The following DSG1 variants were observed in gnomAD, a reference collection of about 807,000 sequenced individuals.
DSG1 encodes desmoglein-1.
A neutral mutation model predicts 97.5 loss-of-function variants in DSG1; 39 were observed. The observed-to-expected ratio is 0.40, with a 90% CI of 0.31 to 0.52. The LOEUF (loss-of-function observed/expected upper bound fraction) is 0.52. Ranked by LOEUF, DSG1 falls within the 20% of genes least tolerant of loss-of-function variation. DSG1 has a pLI of 0.53. For missense variants in DSG1, 1,311 were observed against 1,295.4 expected, an observed-to-expected ratio of 1.01 and a Z score of -0.18; for synonymous variants, 475 against 443.4, an observed-to-expected ratio of 1.07 and a Z score of -0.90.
chr18:31,340,033 C>A lies in DSG1; in HGVS notation c.1687+8C>A. 1.9e-6 allele frequency: 3 copies of A among 1,613,774 alleles called. No homozygotes were observed. The highest frequency in any genetic ancestry group is 2.5e-6 in the Non-Finnish European group (3 of 1,179,826). On this transcript the variant is annotated splice_region_variant and intron_variant, in intron 11 of 14. Transcript: ENST00000257192. ...GATTCTTGGTCTTAGGATGTAAGTA[C>A]TTTAGCAATCCTATGTATATGTGTC... is the stretch of plus-strand genomic sequence containing the variant.
chr18:31,324,508 A>G (rs2144085002), intron 1 of DSG1, among the ~76,000 whole-genome samples: 1 of 152,228 alleles, frequency 6.6e-6, no homozygotes, highest in South Asian at 2.1e-4. Flanking sequence ...CATGTTTCCA[A>G]TTGCTGATCA....
Position 31,358,516 on chromosome 18 carries a change from A to T in DSG1, c.*3170A>T, listed in dbSNP as rs1054644992. Among the ~76,000 whole-genome samples the T allele has an allele frequency of 3.3e-5, 5 of 152,042 alleles. No individual in the cohort carries two copies. Among genetic ancestry groups the T allele is most frequent in the African/African-American group, 1.2e-4 (5 of 41,446 alleles). ...CAAAATTTTAATTATATGTCTTCAA[A>T]AATTACATTTTTTACTCTAGTAAGT... On this transcript the variant is annotated 3_prime_UTR_variant, in exon 15 of 15. Coordinates refer to ENST00000257192, the MANE Select transcript of DSG1 (RefSeq NM_001942.4).
chr18:31,350,988 A>C (rs1267912930), intron 14 of DSG1, among the ~76,000 whole-genome samples: 2 of 149,614 alleles, frequency 1.3e-5, no homozygotes, highest in South Asian at 2.1e-4. Context: ...CTCTGATCTT[A>C]GTTATTTCTT....
At chr18:31,328,378 G>A in intron 4 of DSG1, 34 bp downstream of exon 4, 2 of 1,594,412 alleles carry the variant, frequency 1.3e-6, no homozygotes, top group Non-Finnish European at 1.7e-6. Context: ...ATATGTTCAT[G>A]CTTAAATTCT....
rs2071736478 is a variant in DSG1, at chr18:31,333,996, A to T, written c.820-21A>T. On this transcript the variant is annotated intron_variant, in intron 7 of 14. Coordinates refer to ENST00000257192, the MANE Select transcript of DSG1 (RefSeq NM_001942.4). Reference sequence around the variant, plus strand: ...TCTCTTTCACACAGTTTGTGCTAAGAGTTTTCACTTCTTGTTTCAGTATAC... The same window carrying T: ...TCTCTTTCACACAGTTTGTGCTAAGTGTTTTCACTTCTTGTTTCAGTATAC... The T allele has an allele frequency of 1.9e-6, 3 of 1,548,646 alleles. No homozygotes were observed. In the South Asian group the frequency reaches 3.4e-5, roughly 17 times the overall value.
chr18:31,344,526 A>T (rs1473104985), intron 13 of DSG1, among the ~76,000 whole-genome samples: 1 of 152,232 alleles, frequency 6.6e-6, no homozygotes, highest in Non-Finnish European at 1.5e-5. Context: ...CACAAATATT[A>T]CCTAAAAAAT....
chr18:31,346,530 G>C (rs1015942321), intron 14 of DSG1, among the ~76,000 whole-genome samples: 17 of 152,034 alleles, frequency 1.1e-4, no homozygotes, highest in Non-Finnish European at 2.1e-4. Flanking sequence ...AACTCCACTT[G>C]CTGAGCACCT....
chr18:31,331,217 C>G (rs2071719000), intron 5 of DSG1, among the ~76,000 whole-genome samples: 1 of 152,010 alleles, frequency 6.6e-6, no homozygotes, highest in African/African-American at 2.4e-5. Flanking sequence ...GTGCATTATT[C>G]ATTAGGAACT....
At position 31,339,771 on chromosome 18, in the gene DSG1, C is replaced by T; in HGVS notation, c.1433C>T (p.Thr478Ile). The stretch of plus-strand genomic sequence containing the variant: ...AATCTTCAAAGAACTTGCACTGGTA[C>T]AATTAATATTAACATTCAAAGTTTT... ...DDNLQRTCTG[T>I]ININIQSFGN... Residue 478 changes from threonine to isoleucine, a missense_variant, in exon 11 of 15, where the codon ACA (threonine) becomes ATA (isoleucine). Thr to Ile is a moderately conservative substitution (Grantham distance 89). Transcript: ENST00000257192. 1 of 1,612,096 alleles carries T rather than the reference C, an allele frequency of 6.2e-7. No individual in the cohort carries two copies. Among genetic ancestry groups the T allele is most frequent in the Admixed American group, 1.7e-5 (1 of 59,990 alleles).
At chr18:31,327,062 G>C in intron 3 of DSG1, 57 bp downstream of exon 3, 5 of 1,598,786 alleles carry the variant, frequency 3.1e-6, no homozygotes, top group Non-Finnish European at 3.4e-6. Context: ...AGTTTCAAAA[G>C]AAACTGTCTG....
intron 1 of DSG1, among the ~76,000 whole-genome samples, chr18:31,320,373 T>C (rs867469524): frequency 7.2e-5 from 11 of 152,200 alleles, no homozygotes; most frequent in Admixed American, 5.2e-4. Flanking sequence ...AGCGTATTTG[T>C]ACAATTGTTA....
At chr18:31,327,097 A>C in intron 3 of DSG1, 92 bp downstream of exon 3, 4 of 1,500,218 alleles carry the variant, frequency 2.7e-6, no homozygotes, top group Non-Finnish European at 3.7e-6. Context: ...AACATGTCTC[A>C]CCGAGAAGCT....
At position 31,357,070 on chromosome 18, in the gene DSG1, T is replaced by C. The variant is rs2071965846; in HGVS notation, c.*1724T>C. On this transcript the variant is annotated 3_prime_UTR_variant, in exon 15 of 15. Transcript: ENST00000257192. ...CAACTTTTAAAGAATTTACCCCAAT[T>C]ACTCAAATTTCCCAGGAAATTACAA... 6.6e-6 allele frequency: 1 copy of C among 152,034 alleles called. No individual in the cohort carries two copies. The highest frequency in any genetic ancestry group is 2.1e-4 in the South Asian group (1 of 4,834). The allele number at this position is 152,034 out of a possible 1,614,324, so 9.4% of individuals were successfully genotyped here. A position where few individuals can be genotyped will look rare whatever the true frequency, so the allele number is the denominator to read the frequency against.
At chr18:31,326,507 A>G in intron 1 of DSG1, 74 bp from the exon 2 acceptor site, 1 of 1,171,626 alleles carries the variant, frequency 8.5e-7, no homozygotes, top group Non-Finnish European at 1.3e-6. Context: ...TGTTGTTTTT[A>G]AAGTAACTGG....
chr18:31,346,760 C>A (rs1240762179), intron 14 of DSG1, among the ~76,000 whole-genome samples: 1 of 152,166 alleles, frequency 6.6e-6, no homozygotes, highest in African/African-American at 2.4e-5. Flanking sequence ...ATTTATAGAA[C>A]CTATCATTGC....
intron 11 of DSG1, chr18:31,343,235 A>G (rs1231472484): frequency 1.5e-5 from 9 of 595,990 alleles, no homozygotes; most frequent in Non-Finnish European, 2.0e-5. Flanking sequence ...TTTTAATACT[A>G]TAAAATAAAC....
Position 31,326,568 on chromosome 18 carries a change from T to G in DSG1, c.49-13T>G, listed in dbSNP as rs1483195691. 6.3e-7 allele frequency: 1 copy of G among 1,586,468 alleles called. No individual in the cohort carries two copies. The highest frequency in any genetic ancestry group is 8.7e-7 in the Non-Finnish European group (1 of 1,155,962). ...TTAAAAAATAACTAGTGTGATTATC[T>G]TATTTTTTACAGGTGGTGGTAGAAG... is the stretch of plus-strand genomic sequence containing the variant. On this transcript the variant is annotated splice_polypyrimidine_tract_variant and intron_variant, in intron 1 of 14. Transcript: ENST00000257192.
chr18:31,328,928 A>G (rs2071703452), intron 4 of DSG1, among the ~76,000 whole-genome samples: 1 of 152,128 alleles, frequency 6.6e-6, no homozygotes. Context: ...AGGAGCTGTC[A>G]CATAGCTTAA....
Position 31,338,400 on chromosome 18 carries a change from G to A in DSG1, c.1351G>A (p.Glu451Lys), listed in dbSNP as rs778549071. 1.2e-6 allele frequency: 2 copies of A among 1,613,542 alleles called. No homozygotes were observed. The highest frequency in any genetic ancestry group is 1.3e-5 in the African/African-American group (1 of 74,890). Residue 451 changes from glutamate (E) to lysine (K), a missense_variant, in exon 10 of 15, where the codon GAA becomes AAA. Glu to Lys is a moderately conservative substitution (Grantham distance 56). This residue lies in a region of DSG1 where 1,038 missense variants were observed against 964.6 expected (regional missense o/e 1.08). Coordinates refer to ENST00000257192, the MANE Select transcript of DSG1 (RefSeq NM_001942.4). The part of the protein sequence containing the change: ...KLTLKNKVTK[E>K]QYNMLGGKYQ... The stretch of plus-strand genomic sequence containing the variant: ...CACTTTGAAAAATAAAGTTACCAAG[G>A]AACAGTACAATATGCTCGGAGGAAA...
Sources: allele counts gnomAD v4.1 joint callset (sites outside exome capture counted in the v4.1 genomes callset), GRCh38; gene constraint gnomAD v4.1.1; regional missense constraint gnomAD v4.1.1; transcripts MANE v1.5; gene names NCBI Gene and HGNC (gene_info 2026-07-23, HGNC 2026-07-21).